The following ROBO2 variants were observed in gnomAD, a reference collection of about 807,000 sequenced individuals.
ROBO2 encodes the protein roundabout homolog 2.
Under a neutral mutation model 160.8 loss-of-function variants are expected in ROBO2, and 53 were observed. The ratio of observed to expected loss-of-function variants is 0.33; its 90% CI spans 0.26 to 0.41. The LOEUF is 0.41. Among genes scored for constraint, ROBO2 ranks in the 10% least tolerant of loss-of-function variants. The pLI is 1.00. For missense variants in ROBO2, 1,577 were observed against 1,722.4 expected, an observed-to-expected ratio of 0.92 and a Z score of 1.49; for synonymous variants, 664 against 611.7, an observed-to-expected ratio of 1.09 and a Z score of -1.26.
chr3:76,555,313 G>T (rs1156234123), intron 2 of ROBO2, among the ~76,000 whole-genome samples: 1 of 143,786 alleles, frequency 7.0e-6, no homozygotes, highest in East Asian at 2.1e-4. Flanking sequence ...GTACCCAGGA[G>T]CATGTCAAAA....
intron 2 of ROBO2, among the ~76,000 whole-genome samples, chr3:76,799,236 A>AC (rs957413460): frequency 6.6e-6 from 1 of 151,910 alleles, no homozygotes; most frequent in Admixed American, 6.6e-5. Flanking sequence ...AACAAAACAA[A>AC]AAAAAAACGT....
intron 25 of ROBO2, among the ~76,000 whole-genome samples, chr3:77,645,245 C>A (rs1330773817): frequency 6.6e-6 from 1 of 151,990 alleles, no homozygotes; most frequent in Non-Finnish European, 1.5e-5. Context: ...GAGACACTGG[C>A]CTTTTGGTAG....
intron 2 of ROBO2, among the ~76,000 whole-genome samples, chr3:76,126,501 C>G (rs1046782900): frequency 1.3e-4 from 19 of 151,978 alleles, no homozygotes; most frequent in Non-Finnish European, 1.5e-5. Context: ...AAAAAACCAC[C>G]TGGATTACTA....
At chr3:77,009,305 C>G (rs1053215004) in intron 2 of ROBO2, among the ~76,000 whole-genome samples, 1 of 152,160 alleles carries the variant, frequency 6.6e-6, no homozygotes, top group African/African-American at 2.4e-5. Flanking sequence ...TTGCAGTTAA[C>G]TTTTCCCTTT....
At chr3:76,240,677 GT>G (rs1705231696) in intron 2 of ROBO2, among the ~76,000 whole-genome samples, 1 of 152,090 alleles carries the variant, frequency 6.6e-6, no homozygotes, top group Non-Finnish European at 1.5e-5. Context: ...TGTGGGTGAG[GT>G]GACGTCCTGC....
chr3:77,571,719 T>C (rs1385962932), intron 13 of ROBO2, among the ~76,000 whole-genome samples: 1 of 151,994 alleles, frequency 6.6e-6, no homozygotes, highest in Non-Finnish European at 1.5e-5. Flanking sequence ...AAATCCTCTT[T>C]CTTAGAATGT....
At chr3:76,112,134 A>C (rs1002726417) in intron 2 of ROBO2, among the ~76,000 whole-genome samples, 4 of 152,076 alleles carry the variant, frequency 2.6e-5, no homozygotes, top group African/African-American at 9.7e-5. Context: ...TCCCTTATTC[A>C]TCACAGCCCC....
At chr3:76,765,761 G>A (rs1450875607) in intron 2 of ROBO2, among the ~76,000 whole-genome samples, 1 of 151,662 alleles carries the variant, frequency 6.6e-6, no homozygotes, top group Non-Finnish European at 1.5e-5. Context: ...GCCAGCATCA[G>A]CTGACGTCTG....
chr3:76,985,281 T>A (rs1280226238), intron 2 of ROBO2, among the ~76,000 whole-genome samples: 1 of 151,910 alleles, frequency 6.6e-6, no homozygotes, highest in Non-Finnish European at 1.5e-5. Context: ...GCTATGAAAT[T>A]TATAAAATGA....
At chr3:76,915,709 G>A (rs1027499829) in intron 2 of ROBO2, among the ~76,000 whole-genome samples, 3 of 151,194 alleles carry the variant, frequency 2.0e-5, no homozygotes, top group Admixed American at 6.6e-5. Context: ...AGTGAAAAGC[G>A]TGACTTTCAG....
At chr3:76,277,055 A>G (rs1247564273) in intron 2 of ROBO2, among the ~76,000 whole-genome samples, 1 of 152,092 alleles carries the variant, frequency 6.6e-6, no homozygotes, top group African/African-American at 2.4e-5. Flanking sequence ...TACTTTGAAC[A>G]GTCAGAAAGC....
At chr3:75,937,615 A>G (rs750872645) in intron 2 of ROBO2, 9 of 1,480,802 alleles carry the variant, frequency 6.1e-6, no homozygotes, top group Non-Finnish European at 8.2e-6. Flanking sequence ...AAGTGCAAGG[A>G]TGTTCTAATT....
intron 2 of ROBO2, among the ~76,000 whole-genome samples, chr3:77,001,482 C>T (rs1018764993): frequency 1.3e-5 from 2 of 152,070 alleles, no homozygotes; most frequent in African/African-American, 4.8e-5. Flanking sequence ...ATTCAAAGAA[C>T]AGCAGATCTT....
chr3:77,564,154 A>T (rs781683375), intron 11 of ROBO2, among the ~76,000 whole-genome samples: 9 of 152,278 alleles, frequency 5.9e-5, no homozygotes, highest in African/African-American at 9.6e-5. Flanking sequence ...CAAATTTCAA[A>T]ATACTACGTT....
chr3:76,437,383 T>C (rs1027977727), intron 2 of ROBO2, among the ~76,000 whole-genome samples: 1 of 152,172 alleles, frequency 6.6e-6, no homozygotes, highest in Admixed American at 6.6e-5. Context: ...TTTCAAGTAG[T>C]ACTAAGCAGA....
At chr3:76,481,587 A>G (rs557167417) in intron 2 of ROBO2, among the ~76,000 whole-genome samples, 1 of 152,296 alleles carries the variant, frequency 6.6e-6, no homozygotes, top group East Asian at 1.9e-4. Flanking sequence ...ATGCGGAAGC[A>G]ATATCTCTTA....
intron 6 of ROBO2, among the ~76,000 whole-genome samples, chr3:77,541,107 T>C (rs1294373953): frequency 6.6e-6 from 1 of 152,228 alleles, no homozygotes; most frequent in Non-Finnish European, 1.5e-5. Context: ...AGTTTATTCA[T>C]TCAGGCATAA....
chr3:77,009,435 T>C (rs1559838212), intron 2 of ROBO2, among the ~76,000 whole-genome samples: 1 of 152,312 alleles, frequency 6.6e-6, no homozygotes, highest in East Asian at 1.9e-4. Flanking sequence ...TAATCCAATA[T>C]TGTTTACATT....
At chr3:76,880,740 G>A (rs774427125) in intron 2 of ROBO2, among the ~76,000 whole-genome samples, 1 of 152,032 alleles carries the variant, frequency 6.6e-6, no homozygotes, top group Non-Finnish European at 1.5e-5. Flanking sequence ...TGGAGTAAAA[G>A]GTTCATTCTT....
Sources: gnomAD v4.1 joint callset for allele counts (sites outside exome capture counted in the v4.1 genomes callset) on GRCh38, gnomAD v4.1.1 for gene constraint, MANE v1.5 for transcripts, NCBI Gene and HGNC (gene_info 2026-07-23, HGNC 2026-07-21) for gene names.